SGF29: variants seen among roughly 807,000 people sequenced by gnomAD.
SGF29 encodes the protein SAGA-associated factor 29.
In SGF29, 15 loss-of-function variants were observed where a neutral mutation model predicts 38.1. The observed-to-expected ratio is 0.39, with a 90% CI of 0.26 to 0.61. SGF29 has a LOEUF of 0.61. Ranked by LOEUF, SGF29 falls within the 20% of genes least tolerant of loss-of-function variation. The pLI, the probability that SGF29 is intolerant of heterozygous loss-of-function variation, is 0.49. For synonymous variants in SGF29, 151 were observed against 160.8 expected (o/e 0.94, Z 0.46); for missense variants, 184 against 394.6 (o/e 0.47, Z 4.52).
intron 4 of SGF29, among the ~76,000 whole-genome samples, chr16:28,587,437 T>G (rs1408219112): frequency 6.6e-6 from 1 of 152,204 alleles, no homozygotes; most frequent in Non-Finnish European, 1.5e-5. Context: ...TCTTTCTCCT[T>G]CTCTGCTTTC....
chr16:28,557,194 CT>C (rs1030582662), intron 1 of SGF29, among the ~76,000 whole-genome samples: 6 of 152,302 alleles, frequency 3.9e-5, no homozygotes, highest in African/African-American at 1.2e-4. Flanking sequence ...ACCCTGCAGC[CT>C]TTGTCCCTCA....
chr16:28,558,204 C>G (rs2046765060), intron 1 of SGF29, among the ~76,000 whole-genome samples: 1 of 151,070 alleles, frequency 6.6e-6, no homozygotes. Context: ...CTCCCGGGTT[C>G]AAGTGATTCT....
chr16:28,564,667 A>ATATATGTG (rs1491301838), intron 1 of SGF29, among the ~76,000 whole-genome samples: 1 of 37,288 alleles, frequency 2.7e-5, no homozygotes, highest in Non-Finnish European at 6.6e-5. Flanking sequence ...ATATATATGC[A>ATATATGTG]TATATATGTA....
intron 1 of SGF29, among the ~76,000 whole-genome samples, chr16:28,579,890 C>G (rs2046915708): frequency 6.6e-6 from 1 of 151,872 alleles, no homozygotes; most frequent in Admixed American, 6.5e-5. Context: ...AAGATCACAC[C>G]ACTGCACTCC....
chr16:28,564,644 T>C lies in SGF29; in HGVS notation c.-16+10547T>C, dbSNP rs1381172628. ...ATATGCATATATATACGTATATATG[T>C]GTATATATACGTATATATATGCATA... On this transcript the variant is annotated intron_variant, in intron 1 of 9. Transcript: ENST00000317058. 4.2e-5 allele frequency among the ~76,000 whole-genome samples: 5 copies of C among 119,844 alleles called. 1 individual carries two copies. The highest frequency in any genetic ancestry group is 4.7e-4 in the South Asian group (2 of 4,242). The allele number at this position is 119,844 out of a possible 152,430, so 78.6% of individuals were successfully genotyped here.
At chr16:28,559,354 G>T (rs1203237050) in intron 1 of SGF29, among the ~76,000 whole-genome samples, 2 of 150,914 alleles carry the variant, frequency 1.3e-5, no homozygotes, top group Admixed American at 6.7e-5. Flanking sequence ...GAATTGTATG[G>T]CATGCGAATT....
At chr16:28,581,224 T>C in intron 2 of SGF29, 80 bp downstream of exon 2, 1 of 1,339,404 alleles carries the variant, frequency 7.5e-7, no homozygotes, top group Non-Finnish European at 1.1e-6. Flanking sequence ...GGCATTTGTG[T>C]TCAGAGAGAT....
At chr16:28,567,008 A>G (rs1348012366) in intron 1 of SGF29, among the ~76,000 whole-genome samples, 1 of 152,120 alleles carries the variant, frequency 6.6e-6, no homozygotes, top group Non-Finnish European at 1.5e-5. Context: ...TTATAAAATC[A>G]TTACCATAAT....
chr16:28,581,157 C>T lies in SGF29; in HGVS notation c.75+13C>T. On this transcript the variant is annotated intron_variant, in intron 2 of 9. Transcript: ENST00000317058. ...CAAACAAACCCAGGTAAAAAGTCAC[C>T]ACCCTCCATTCCCAGATGGGAACAT... The T allele has an allele frequency of 3.7e-6, 6 of 1,612,390 alleles. No homozygotes were observed. Among genetic ancestry groups the T allele is most frequent in the Non-Finnish European group, 4.2e-6 (5 of 1,178,722 alleles).
In SGF29 at chr16:28,579,926, C is replaced by T. The variant is rs144245963; in HGVS notation, c.-15-1129C>T. Among the ~76,000 whole-genome samples, 1,231 of 150,422 alleles carry T rather than the reference C, an allele frequency of 8.2e-3. 14 individuals carry two copies. Among genetic ancestry groups the T allele is most frequent in the Non-Finnish European group, 0.014 (938 of 67,656 alleles). On this transcript the variant is annotated intron_variant, in intron 1 of 9. Coordinates refer to ENST00000317058, the MANE Select transcript of SGF29 (RefSeq NM_138414.3). Reference sequence around the variant, plus strand: ...AGCCTAGGTGACAGGGCAAGACTCCCGTCTCAAAAAAAAAAAAATTATCTT... The same window carrying T: ...AGCCTAGGTGACAGGGCAAGACTCCTGTCTCAAAAAAAAAAAAATTATCTT...
At chr16:28,568,021 T>A (rs990081160) in intron 1 of SGF29, among the ~76,000 whole-genome samples, 11 of 151,860 alleles carry the variant, frequency 7.2e-5, no homozygotes, top group Admixed American at 2.6e-4. Flanking sequence ...ACACAAAGTT[T>A]TTTGACAGGG....
At chr16:28,585,479 C>T in intron 3 of SGF29, 169 bp from the exon 4 acceptor site, 1 of 647,618 alleles carries the variant, frequency 1.5e-6, no homozygotes, top group Non-Finnish European at 2.8e-6. Flanking sequence ...AATGCGGACT[C>T]ATGGAGCCTG....
intron 1 of SGF29, among the ~76,000 whole-genome samples, chr16:28,564,721 ATATATACATATATATG>A (rs1228586598): frequency 1.3e-5 from 1 of 79,722 alleles, no homozygotes; most frequent in African/African-American, 5.0e-5. Context: ...ATATATGTAT[ATATATACATATATATG>A]TATATATGTA....
intron 9 of SGF29, among the ~76,000 whole-genome samples, chr16:28,591,267 C>T (rs1209388963): frequency 1.3e-5 from 2 of 152,186 alleles, no homozygotes; most frequent in Non-Finnish European, 2.9e-5. Context: ...AGGATCCCTG[C>T]CTGCCACCCT....
At chr16:28,573,284 G>A (rs950656844) in intron 1 of SGF29, among the ~76,000 whole-genome samples, 5 of 152,140 alleles carry the variant, frequency 3.3e-5, no homozygotes, top group Admixed American at 6.6e-5. Context: ...GGTGGCCGGC[G>A]AACTGCCAGG....
Position 28,583,753 on chromosome 16 carries a change from A to C in SGF29, c.76-1160A>C, listed in dbSNP as rs371963512. The stretch of plus-strand genomic sequence containing the variant: ...ACTCTGAATTCTGTTCTGTTGATCT[A>C]TATGCCAGTACCACACCATCGTGAT... On this transcript the variant is annotated intron_variant, in intron 2 of 9. Coordinates refer to ENST00000317058, the MANE Select transcript of SGF29 (RefSeq NM_138414.3). 4.6e-5 allele frequency among the ~76,000 whole-genome samples: 7 copies of C among 152,148 alleles called. 1 individual carries two copies. Among genetic ancestry groups the C allele is most frequent in the Admixed American group, 4.6e-4 (7 of 15,274 alleles).
chr16:28,570,978 T>A (rs1020457556), intron 1 of SGF29, among the ~76,000 whole-genome samples: 1 of 152,116 alleles, frequency 6.6e-6, no homozygotes, highest in African/African-American at 2.4e-5. Context: ...GGACTGAATG[T>A]ATTTTGCAAG....
chr16:28,572,018 T>C (rs1376376096), intron 1 of SGF29, among the ~76,000 whole-genome samples: 1 of 152,212 alleles, frequency 6.6e-6, no homozygotes, highest in African/African-American at 2.4e-5. Flanking sequence ...CTCGCACTGT[T>C]GCCCGGACTG....
chr16:28,575,094 C>T (rs1439868651), intron 1 of SGF29, among the ~76,000 whole-genome samples: 1 of 152,162 alleles, frequency 6.6e-6, no homozygotes, highest in African/African-American at 2.4e-5. Flanking sequence ...TTGTCCAGTG[C>T]ATCCCTTCTG....
Sources: gnomAD v4.1 joint callset for allele counts (sites outside exome capture counted in the v4.1 genomes callset) on GRCh38, gnomAD v4.1.1 for gene constraint, MANE v1.5 for transcripts, NCBI Gene and HGNC (gene_info 2026-07-23, HGNC 2026-07-21) for gene names.